Variants in CACNA2D3 observed in about 807,000 individuals in gnomAD.
CACNA2D3 encodes the protein voltage-dependent calcium channel subunit alpha-2/delta-3.
Under a neutral mutation model 160.6 loss-of-function variants are expected in CACNA2D3, and 60 were observed. The ratio of observed to expected loss-of-function variants is 0.37; its 90% CI spans 0.30 to 0.46. CACNA2D3 has a LOEUF of 0.46. CACNA2D3 is among the 20% of genes least tolerant of loss of function. The pLI, the probability that CACNA2D3 is intolerant of heterozygous loss-of-function variation, is 1.00. For missense variants in CACNA2D3, 1,205 were observed against 1,365.0 expected (o/e 0.88, Z 1.85); for synonymous variants, 558 against 492.9 (o/e 1.13, Z -1.75).
chr3:54,879,482 C>T (rs1699741974), intron 20 of CACNA2D3, 71 bp downstream of exon 20: 1 of 1,069,298 alleles, frequency 9.4e-7, no homozygotes, highest in African/African-American at 1.6e-5. Context: ...CCTGCTGACA[C>T]TCTCAGAGCT....
At chr3:54,618,464 A>C (rs1698911629) in intron 9 of CACNA2D3, among the ~76,000 whole-genome samples, 1 of 151,348 alleles carries the variant, frequency 6.6e-6, no homozygotes, top group Non-Finnish European at 1.5e-5. Flanking sequence ...GAATGGAAGA[A>C]ATTCAGACAA....
rs1227797716 is a variant in CACNA2D3 at position 54,822,746 on chromosome 3, C to CTT, written c.1398+5878_1398+5879dup. 9.4e-5 allele frequency among the ~76,000 whole-genome samples: 6 copies of CTT among 64,140 alleles called. No individual in the cohort carries two copies. The East Asian group carries it at 2.0e-3, about 21-fold the overall frequency. 42.1% of individuals were successfully genotyped at this position (64,140 alleles called of 152,430 possible). A position where few individuals can be genotyped will look rare whatever the true frequency, so the allele number is the denominator to read the frequency against. On this transcript the variant is annotated intron_variant, in intron 14 of 37. Coordinates refer to ENST00000474759, the MANE Select transcript of CACNA2D3 (RefSeq NM_018398.3). ...TCTTTTTTATTTTCTTTCTTTCTTTCTTTCTTTCTTTCTTTCTTTCTTTCT... is the reference window on the plus strand; with the variant it reads ...TCTTTTTTATTTTCTTTCTTTCTTTCTTTTTCTTTCTTTCTTTCTTTCTTTCT...
At chr3:54,776,692 C>T (rs1044870683) in intron 13 of CACNA2D3, among the ~76,000 whole-genome samples, 1 of 152,142 alleles carries the variant, frequency 6.6e-6, no homozygotes, top group African/African-American at 2.4e-5. Flanking sequence ...GAGCTCTGAT[C>T]CTAACTCTCA....
chr3:54,809,267 CCTTT>C (rs1473320339), intron 13 of CACNA2D3, among the ~76,000 whole-genome samples: 6 of 147,600 alleles, frequency 4.1e-5, no homozygotes, highest in African/African-American at 1.0e-4. Flanking sequence ...TTCCTTCCTT[CCTTT>C]ATCTCTTTCT....
intron 17 of CACNA2D3, among the ~76,000 whole-genome samples, chr3:54,855,633 A>T (rs1189731054): frequency 6.6e-6 from 1 of 152,198 alleles, no homozygotes; most frequent in African/African-American, 2.4e-5. Context: ...AGATGGAGGG[A>T]AGGAAAAAGA....
chr3:54,349,739 C>G (rs1698520641), intron 3 of CACNA2D3, among the ~76,000 whole-genome samples: 1 of 152,222 alleles, frequency 6.6e-6, no homozygotes, highest in Non-Finnish European at 1.5e-5. Flanking sequence ...GCAGGCCCAT[C>G]TTGGCTTTCT....
In CACNA2D3 at chr3:54,265,628, T is replaced by C. The variant is rs148121082; in HGVS notation, c.205-54814T>C. The stretch of plus-strand genomic sequence containing the variant: ...ATATATAGTGTGTATATATATATAG[T>C]GTGTATATATATAGTGTGTATATAT... On this transcript the variant is annotated intron_variant, in intron 2 of 37. Coordinates refer to ENST00000474759, the MANE Select transcript of CACNA2D3 (RefSeq NM_018398.3). Among the ~76,000 whole-genome samples, 1,428 of 143,954 alleles carry C rather than the reference T, an allele frequency of 9.9e-3. 28 individuals are homozygous for C. Among genetic ancestry groups the C allele is most frequent in the African/African-American group, 0.037 (1,365 of 36,590 alleles). 94.4% of individuals were successfully genotyped at this position (143,954 alleles called of 152,430 possible).
At chr3:54,852,328 A>G (rs562784283) in intron 17 of CACNA2D3, among the ~76,000 whole-genome samples, 2 of 152,378 alleles carry the variant, frequency 1.3e-5, no homozygotes, top group South Asian at 2.1e-4. Context: ...ACAAACTGTC[A>G]TGGAGGCCAG....
chr3:55,011,001 T>C (rs1703199165), intron 34 of CACNA2D3, among the ~76,000 whole-genome samples: 1 of 152,238 alleles, frequency 6.6e-6, no homozygotes, highest in African/African-American at 2.4e-5. Context: ...TAACAAATCT[T>C]TCTGGTGCTA....
At chr3:54,129,109 C>T (rs1475095606) in intron 2 of CACNA2D3, among the ~76,000 whole-genome samples, 1 of 152,014 alleles carries the variant, frequency 6.6e-6, no homozygotes, top group African/African-American at 2.4e-5. Context: ...TGTGATTTTC[C>T]TAAATATTTA....
At chr3:55,073,423 T>C in intron 35 of CACNA2D3, 22 bp from the exon 36 acceptor site, 1 of 1,568,642 alleles carries the variant, frequency 6.4e-7, no homozygotes, top group Non-Finnish European at 8.8e-7. Context: ...AATGACTGCC[T>C]CGCTACCTCT....
chr3:54,210,446 G>A (rs1265928560), intron 2 of CACNA2D3, among the ~76,000 whole-genome samples: 2 of 152,008 alleles, frequency 1.3e-5, no homozygotes, highest in African/African-American at 2.4e-5. Context: ...GTGTGTTTGT[G>A]TGTGTGTGTG....
At chr3:54,721,762 C>CAAAAAAAAAAAA (rs34393649) in intron 11 of CACNA2D3, among the ~76,000 whole-genome samples, 1 of 106,308 alleles carries the variant, frequency 9.4e-6, no homozygotes, top group Non-Finnish European at 1.9e-5. Context: ...AACTCCATCT[C>CAAAAAAAAAAAA]AAAAAAAAAA....
chr3:54,862,399 A>G (rs201014161), intron 17 of CACNA2D3, among the ~76,000 whole-genome samples: 3 of 139,082 alleles, frequency 2.2e-5, no homozygotes, highest in South Asian at 2.3e-4. Context: ...ACACACACAC[A>G]CACACGCACA....
At chr3:54,500,519 T>TCTTCCTC (rs1701273708) in intron 4 of CACNA2D3, among the ~76,000 whole-genome samples, 3 of 57,944 alleles carry the variant, frequency 5.2e-5, no homozygotes, top group Non-Finnish European at 1.4e-4. Flanking sequence ...CTTCCTTCCT[T>TCTTCCTC]CCTTCCTTCC....
intron 2 of CACNA2D3, among the ~76,000 whole-genome samples, chr3:54,316,756 A>G (rs887401557): frequency 1.3e-5 from 2 of 152,212 alleles, no homozygotes; most frequent in South Asian, 2.1e-4. Flanking sequence ...CTCAGAAGAA[A>G]AAAGTGGGAT....
intron 4 of CACNA2D3, among the ~76,000 whole-genome samples, chr3:54,452,594 C>G (rs913779060): frequency 1.3e-5 from 2 of 152,142 alleles, no homozygotes; most frequent in African/African-American, 4.8e-5. Context: ...ATTCCATTAC[C>G]CAATCCAAAG....
intron 2 of CACNA2D3, among the ~76,000 whole-genome samples, chr3:54,171,765 G>C (rs1467285018): frequency 5.9e-5 from 9 of 152,120 alleles, no homozygotes; most frequent in African/African-American, 1.9e-4. Flanking sequence ...ACTTCCATGG[G>C]ATATCTTCCC....
chr3:54,984,197 A>G (rs996296158), intron 29 of CACNA2D3, among the ~76,000 whole-genome samples: 1 of 152,088 alleles, frequency 6.6e-6, no homozygotes, highest in Non-Finnish European at 1.5e-5. Context: ...GAGTAATGAC[A>G]TTGTGCTGGC....
Sources: gnomAD v4.1 joint callset for allele counts (sites outside exome capture counted in the v4.1 genomes callset) on GRCh38, gnomAD v4.1.1 for gene constraint, MANE v1.5 for transcripts, NCBI Gene and HGNC (gene_info 2026-07-23, HGNC 2026-07-21) for gene names.